HS3ST4: variants seen among roughly 807,000 people sequenced by gnomAD.
HS3ST4 encodes heparan sulfate glucosamine 3-O-sulfotransferase 4.
Under a neutral mutation model 29.2 loss-of-function variants are expected in HS3ST4, and 17 were observed. The observed-to-expected ratio is 0.58, with a 90% confidence interval of 0.40 to 0.87. The LOEUF (loss-of-function observed/expected upper bound fraction) is 0.87. HS3ST4 is among the 40% of genes least tolerant of loss of function. The probability of loss-of-function intolerance (pLI) is 0.00; values close to 1 mark genes in which losing one functional copy is unlikely to be tolerated. For synonymous variants in HS3ST4, 314 were observed against 285.7 expected (o/e 1.10, Z -1.00); for missense variants, 627 against 634.5 (o/e 0.99, Z 0.13).
intron 1 of HS3ST4, among the ~76,000 whole-genome samples, chr16:25,914,074 G>A (rs891645745): frequency 6.7e-6 from 1 of 149,676 alleles, no homozygotes; most frequent in Admixed American, 6.7e-5. Flanking sequence ...CGGAGTGTGT[G>A]TGTGGGGGTA....
chr16:26,064,353 T>C, intron 1 of HS3ST4, among the ~76,000 whole-genome samples: 1 of 152,062 alleles, frequency 6.6e-6, no homozygotes, highest in Non-Finnish European at 1.5e-5. Flanking sequence ...GCTTAGGGTA[T>C]AGAGGGTAGA....
At chr16:25,693,236 T>A in intron 1 of HS3ST4, 85 bp downstream of exon 1, 19 of 1,387,764 alleles carry the variant, frequency 1.4e-5, no homozygotes, top group Non-Finnish European at 1.8e-5. Context: ...CCTTCGAGCA[T>A]CCAGGCACCG....
At chr16:26,123,083 G>T (rs185018870) in intron 1 of HS3ST4, among the ~76,000 whole-genome samples, 107 of 151,492 alleles carry the variant, frequency 7.1e-4, no homozygotes, top group African/African-American at 2.5e-3. Flanking sequence ...GGCTTGAACA[G>T]GGCTCTTCTC....
chr16:25,905,278 C>G (rs1968167903), intron 1 of HS3ST4, among the ~76,000 whole-genome samples: 1 of 152,024 alleles, frequency 6.6e-6, no homozygotes, highest in African/African-American at 2.4e-5. Context: ...CCTAAAACTT[C>G]CTTGGCAGCA....
chr16:25,794,076 C>T (rs991050222), intron 1 of HS3ST4, among the ~76,000 whole-genome samples: 6 of 151,776 alleles, frequency 4.0e-5, no homozygotes, highest in Non-Finnish European at 7.4e-5. Context: ...TTGTAATTTA[C>T]GCTATTTCTC....
chr16:26,060,890 T>C (rs1898466540), intron 1 of HS3ST4, among the ~76,000 whole-genome samples: 1 of 152,226 alleles, frequency 6.6e-6, no homozygotes, highest in South Asian at 2.1e-4. Context: ...TTCCTCTGGC[T>C]TCTCACTAAC....
At chr16:26,010,176 C>T (rs906336240) in intron 1 of HS3ST4, among the ~76,000 whole-genome samples, 13 of 152,128 alleles carry the variant, frequency 8.5e-5, no homozygotes, top group African/African-American at 4.8e-5. Flanking sequence ...AAATGTGGCC[C>T]GGCGCGGTGA....
At chr16:25,944,253 G>T (rs1210491266) in intron 1 of HS3ST4, among the ~76,000 whole-genome samples, 1 of 152,222 alleles carries the variant, frequency 6.6e-6, no homozygotes, top group Non-Finnish European at 1.5e-5. Flanking sequence ...TGACGGAAAA[G>T]CCCTCAACAG....
intron 1 of HS3ST4, among the ~76,000 whole-genome samples, chr16:25,739,692 G>A (rs971514888): frequency 5.0e-5 from 7 of 139,254 alleles, no homozygotes; most frequent in Admixed American, 4.4e-4. Flanking sequence ...TCACAGAGCA[G>A]GACTCCCTGG....
chr16:26,014,019 T>TAA (rs1969339449), intron 1 of HS3ST4, among the ~76,000 whole-genome samples: 1 of 151,018 alleles, frequency 6.6e-6, no homozygotes, highest in African/African-American at 2.4e-5. Flanking sequence ...AATAAATAAA[T>TAA]AAATAAATAA....
intron 1 of HS3ST4, among the ~76,000 whole-genome samples, chr16:25,796,001 A>G (rs772326319): frequency 1.9e-4 from 29 of 151,508 alleles, no homozygotes; most frequent in Non-Finnish European, 3.2e-4. Context: ...GTAATATTTC[A>G]TAGATAAATG....
intron 1 of HS3ST4, among the ~76,000 whole-genome samples, chr16:26,076,170 A>G (rs1380908888): frequency 6.6e-6 from 1 of 152,204 alleles, no homozygotes; most frequent in Non-Finnish European, 1.5e-5. Flanking sequence ...GAAGGTACAG[A>G]TGATATACTA....
At chr16:25,893,834 A>G (rs938286773) in intron 1 of HS3ST4, among the ~76,000 whole-genome samples, 3 of 152,182 alleles carry the variant, frequency 2.0e-5, no homozygotes, top group Non-Finnish European at 4.4e-5. Flanking sequence ...AATATCCCTG[A>G]ACTGTGAACA....
chr16:25,746,682 G>C (rs965113295), intron 1 of HS3ST4, among the ~76,000 whole-genome samples: 5 of 151,920 alleles, frequency 3.3e-5, no homozygotes, highest in Admixed American at 6.6e-5. Flanking sequence ...CTCCTGAGTA[G>C]CTGGGATTAC....
intron 1 of HS3ST4, among the ~76,000 whole-genome samples, chr16:25,942,373 A>G (rs573293190): frequency 6.6e-6 from 1 of 152,322 alleles, no homozygotes; most frequent in South Asian, 2.1e-4. Context: ...TCTAAGGGTT[A>G]TAATCACATA....
At chr16:26,007,785 G>T (rs775464333) in intron 1 of HS3ST4, among the ~76,000 whole-genome samples, 9 of 150,796 alleles carry the variant, frequency 6.0e-5, no homozygotes, top group Non-Finnish European at 1.3e-4. Flanking sequence ...TCTACTAAAT[G>T]GGGGGTTATG....
intron 1 of HS3ST4, among the ~76,000 whole-genome samples, chr16:25,699,058 A>T (rs1262606416): frequency 6.6e-6 from 1 of 152,220 alleles, no homozygotes; most frequent in Non-Finnish European, 1.5e-5. Context: ...TTGGCAACAG[A>T]TTTAAGTTTC....
intron 1 of HS3ST4, among the ~76,000 whole-genome samples, chr16:25,964,188 A>G (rs1291277692): frequency 6.6e-6 from 1 of 151,550 alleles, no homozygotes; most frequent in Non-Finnish European, 1.5e-5. Context: ...AAAAAAAAAA[A>G]AAGGTCCCTA....
At chr16:25,846,632 C>A (rs1041287191) in intron 1 of HS3ST4, among the ~76,000 whole-genome samples, 1 of 151,886 alleles carries the variant, frequency 6.6e-6, no homozygotes, top group Non-Finnish European at 1.5e-5. Context: ...ATCTTGAAGG[C>A]AGTGAATTCT....
Sources: allele counts gnomAD v4.1 joint callset (sites outside exome capture counted in the v4.1 genomes callset), GRCh38; gene constraint gnomAD v4.1.1; transcripts MANE v1.5; gene names NCBI Gene and HGNC (gene_info 2026-07-23, HGNC 2026-07-21).